Variants in NAV2 observed in about 807,000 individuals in gnomAD.
NAV2 encodes helicase, APC down-regulated 1.
Under a neutral mutation model 223.2 loss-of-function variants are expected in NAV2, and 54 were observed. The ratio of observed to expected loss-of-function variants is 0.24; its 90% CI spans 0.19 to 0.30. The LOEUF (loss-of-function observed/expected upper bound fraction) is 0.30, where lower values mean the gene tolerates loss of function less well. Among genes scored for constraint, NAV2 ranks in the 10% least tolerant of loss-of-function variants. NAV2 has a pLI of 1.00. For missense variants in NAV2, 2,806 were observed against 3,147.5 expected (o/e 0.89, Z 2.60); for synonymous variants, 1,279 against 1,239.3 (o/e 1.03, Z -0.67).
intron 1 of NAV2, among the ~76,000 whole-genome samples, chr11:19,550,176 C>T (rs1184265326): frequency 6.6e-6 from 1 of 151,644 alleles, no homozygotes; most frequent in Admixed American, 6.6e-5. Flanking sequence ...TGTCTAGAAA[C>T]GAAAAAGGGA....
intron 6 of NAV2, among the ~76,000 whole-genome samples, chr11:19,910,587 G>A (rs1014469811): frequency 4.6e-5 from 7 of 152,204 alleles, no homozygotes; most frequent in African/African-American, 1.7e-4. Flanking sequence ...AGCCAGGCGC[G>A]GTGGCTTATG....
At chr11:19,666,278 G>A (rs1465561590) in intron 1 of NAV2, among the ~76,000 whole-genome samples, 1 of 152,190 alleles carries the variant, frequency 6.6e-6, no homozygotes, top group Non-Finnish European at 1.5e-5. Context: ...GCTTTAGGGT[G>A]GGGCCCAACA....
At chr11:19,804,524 A>C (rs915425870) in intron 1 of NAV2, among the ~76,000 whole-genome samples, 10 of 152,212 alleles carry the variant, frequency 6.6e-5, no homozygotes, top group Non-Finnish European at 1.5e-4. Context: ...GTTAATCAGC[A>C]TATTGTGATA....
intron 1 of NAV2, among the ~76,000 whole-genome samples, chr11:19,576,635 C>G (rs531367892): frequency 6.6e-6 from 1 of 152,310 alleles, no homozygotes; most frequent in East Asian, 1.9e-4. Flanking sequence ...TGTTGTAAAA[C>G]TTACACATTC....
chr11:19,588,383 A>G (rs779536455), intron 1 of NAV2, among the ~76,000 whole-genome samples: 1 of 152,218 alleles, frequency 6.6e-6, no homozygotes, highest in African/African-American at 2.4e-5. Context: ...CTTAGAGGGC[A>G]TCTAGGCCCA....
chr11:19,861,549 G>A (rs1412409928), intron 3 of NAV2, among the ~76,000 whole-genome samples: 2 of 152,158 alleles, frequency 1.3e-5, no homozygotes, highest in Admixed American at 6.5e-5. Context: ...CACCCTAGGG[G>A]GTAGGTGTTA....
Position 20,076,997 on chromosome 11 carries a change from T to A in NAV2, c.4984-555T>A, listed in dbSNP as rs114543573. Among the ~76,000 whole-genome samples the A allele has an allele frequency of 8.0e-3, 1,224 of 152,264 alleles. 15 individuals carry two copies. The highest frequency in any genetic ancestry group is 0.027 in the African/African-American group (1,119 of 41,540). ...AGTGGCTTTTTATTAACCAGGATTA[T>A]AACAAGCAAACTACGCCAACCATTT... On this transcript the variant is annotated intron_variant, in intron 22 of 37. Coordinates refer to ENST00000349880, the MANE Select transcript of NAV2 (RefSeq NM_145117.5).
intron 1 of NAV2, among the ~76,000 whole-genome samples, chr11:19,747,748 A>G (rs1331567850): frequency 6.6e-6 from 1 of 152,244 alleles, no homozygotes; most frequent in African/African-American, 2.4e-5. Context: ...TTTTCAAACT[A>G]AAAACTAAGC....
At chr11:19,531,191 AT>A (rs934849182) in intron 1 of NAV2, among the ~76,000 whole-genome samples, 1 of 152,238 alleles carries the variant, frequency 6.6e-6, no homozygotes, top group Non-Finnish European at 1.5e-5. Flanking sequence ...CTTTGCCTTC[AT>A]GGGGCTCACA....
intron 1 of NAV2, among the ~76,000 whole-genome samples, chr11:19,598,772 C>T (rs535753057): frequency 3.9e-5 from 6 of 152,262 alleles, no homozygotes; most frequent in South Asian, 4.1e-4. Context: ...GTAGGTTATC[C>T]GGCCTCTTAT....
chr11:19,595,053 C>T (rs2046169488), intron 1 of NAV2, among the ~76,000 whole-genome samples: 1 of 152,070 alleles, frequency 6.6e-6, no homozygotes, highest in African/African-American at 2.4e-5. Context: ...TGTGAGAGAA[C>T]AGGGAAGTGA....
chr11:19,429,964 G>A (rs1213228694), intron 1 of NAV2, among the ~76,000 whole-genome samples: 1 of 152,176 alleles, frequency 6.6e-6, no homozygotes, highest in Non-Finnish European at 1.5e-5. Flanking sequence ...CTCATCTTGA[G>A]TAATTAGAAA....
intron 2 of NAV2, among the ~76,000 whole-genome samples, chr11:19,836,534 G>A (rs1272961490): frequency 6.7e-6 from 1 of 149,902 alleles, no homozygotes; most frequent in African/African-American, 2.5e-5. Flanking sequence ...TCCGCAGTCC[G>A]GCCTGGGCGA....
chr11:19,535,871 C>A (rs1342350186), intron 1 of NAV2, among the ~76,000 whole-genome samples: 1 of 152,156 alleles, frequency 6.6e-6, no homozygotes, highest in African/African-American at 2.4e-5. Context: ...AGTATGGGGA[C>A]CTTCTGGGTG....
intron 1 of NAV2, among the ~76,000 whole-genome samples, chr11:19,494,416 A>G (rs1368393302): frequency 6.6e-6 from 1 of 152,204 alleles, no homozygotes; most frequent in Non-Finnish European, 1.5e-5. Context: ...ACTACACACT[A>G]ATGAATATGT....
chr11:19,880,038 G>A lies in NAV2; in HGVS notation c.681G>A (p.Gln227=), dbSNP rs1323190078. The change falls in exon 5 of 38, where the codon CAG becomes CAA. Residue 227 remains glutamine, a synonymous_variant. Transcript: ENST00000349880. The part of the protein sequence containing the change: ...PSQCQAGTPQ[Q]QVPVTPQAPC... ...AGTGCCAGGCTGGCACCCCTCAGCA[G>A]CAGGTGCCAGTCACTCCCCAAGCCC... 6.8e-6 allele frequency: 11 copies of A among 1,613,584 alleles called. No homozygotes were observed. Among genetic ancestry groups the A allele is most frequent in the South Asian group, 1.1e-5 (1 of 91,040 alleles).
intron 10 of NAV2, among the ~76,000 whole-genome samples, chr11:19,976,033 A>G (rs1246160854): frequency 1.3e-5 from 2 of 152,198 alleles, no homozygotes; most frequent in Non-Finnish European, 2.9e-5. Flanking sequence ...GAAATATTGC[A>G]TATACTCTAT....
intron 2 of NAV2, among the ~76,000 whole-genome samples, chr11:19,838,330 G>A (rs1344634025): frequency 6.6e-6 from 1 of 151,948 alleles, no homozygotes; most frequent in South Asian, 2.1e-4. Flanking sequence ...ATGGTGGGAG[G>A]GTGTCAATCA....
At chr11:19,397,335 C>T (rs1016546719) in intron 1 of NAV2, among the ~76,000 whole-genome samples, 2 of 151,900 alleles carry the variant, frequency 1.3e-5, no homozygotes, top group African/African-American at 2.4e-5. Flanking sequence ...TGGAGGGACA[C>T]GAGTCAGGAC....
Sources: gnomAD v4.1 joint callset for allele counts (sites outside exome capture counted in the v4.1 genomes callset) on GRCh38, gnomAD v4.1.1 for gene constraint, MANE v1.5 for transcripts, NCBI Gene and HGNC (gene_info 2026-07-23, HGNC 2026-07-21) for gene names.